Variants in SDC2 observed in about 807,000 individuals in gnomAD.
The protein encoded by SDC2 is syndecan-2.
Under a neutral mutation model 22.2 loss-of-function variants are expected in SDC2, and 13 were observed. That is an observed-to-expected ratio of 0.59 (90% CI 0.38 to 0.93). SDC2 has a LOEUF of 0.93. Ranked by LOEUF, SDC2 falls within the 40% of genes least tolerant of loss-of-function variation. The pLI, the probability that SDC2 is intolerant of heterozygous loss-of-function variation, is 0.00. For missense variants in SDC2, 235 were observed against 246.8 expected, an observed-to-expected ratio of 0.95 and a Z score of 0.32; for synonymous variants, 94 against 92.8, an observed-to-expected ratio of 1.01 and a Z score of -0.07.
At chr8:96,583,752 A>C (rs1814635770) in intron 1 of SDC2, among the ~76,000 whole-genome samples, 1 of 151,198 alleles carries the variant, frequency 6.6e-6, no homozygotes, top group Admixed American at 6.6e-5. Flanking sequence ...ATATAGTTGT[A>C]ATATTAGAAA....
At chr8:96,553,493 C>CT (rs1461213369) in intron 1 of SDC2, among the ~76,000 whole-genome samples, 9 of 149,478 alleles carry the variant, frequency 6.0e-5, no homozygotes, top group African/African-American at 2.2e-4. Flanking sequence ...AGTTTGATTG[C>CT]TTTAATATCT....
chr8:96,573,879 C>A (rs181538164), intron 1 of SDC2, among the ~76,000 whole-genome samples: 3 of 152,120 alleles, frequency 2.0e-5, no homozygotes, highest in Non-Finnish European at 4.4e-5. Context: ...ATCTGACCCT[C>A]TTCTTAGTCT....
chr8:96,521,032 G>A (rs936282084), intron 1 of SDC2, among the ~76,000 whole-genome samples: 2 of 152,168 alleles, frequency 1.3e-5, no homozygotes, highest in African/African-American at 4.8e-5. Context: ...TGATCAAGAA[G>A]CAGAGGCTCA....
At chr8:96,599,223 G>A (rs560047859) in intron 2 of SDC2, among the ~76,000 whole-genome samples, 103 of 152,174 alleles carry the variant, frequency 6.8e-4, no homozygotes, top group African/African-American at 2.4e-3. Flanking sequence ...TTGCAGGCGC[G>A]AGCTACTGTG....
At position 96,608,434 on chromosome 8, in the gene SDC2, TCAGA is replaced by T. The variant is rs780644401; in HGVS notation, c.410_413del (p.Asp137ValfsTer9). 3.1e-6 allele frequency: 5 copies of T among 1,613,470 alleles called. No individual in the cohort carries two copies. Among genetic ancestry groups the T allele is most frequent in the Non-Finnish European group, 4.2e-6 (5 of 1,179,704 alleles). Reference sequence around the variant, plus strand: ...TACAAATGTGTATACTGAGAAACACTCAGACAGTCTGTTTAAACGGACAGAAGTC... The same window carrying T: ...TACAAATGTGTATACTGAGAAACACTCAGTCTGTTTAAACGGACAGAAGTC... On this transcript the variant is annotated frameshift_variant, in exon 4 of 5. Coordinates refer to ENST00000302190, the MANE Select transcript of SDC2 (RefSeq NM_002998.4). LOFTEE classifies it high-confidence loss of function.
chr8:96,592,081 G>A (rs1376115908), intron 1 of SDC2, among the ~76,000 whole-genome samples: 2 of 152,166 alleles, frequency 1.3e-5, no homozygotes, highest in Non-Finnish European at 2.9e-5. Context: ...CTTGGCTCAG[G>A]GTGGTCCAGG....
chr8:96,574,251 C>A (rs981509396), intron 1 of SDC2, among the ~76,000 whole-genome samples: 10 of 152,142 alleles, frequency 6.6e-5, no homozygotes, highest in African/African-American at 2.4e-4. Context: ...ACTAGATCTT[C>A]ATGGGGAAAC....
chr8:96,539,511 C>T (rs1327840204), intron 1 of SDC2, among the ~76,000 whole-genome samples: 1 of 152,178 alleles, frequency 6.6e-6, no homozygotes. Context: ...AATCATCTTG[C>T]ATTATTGCTA....
At chr8:96,528,564 A>G (rs923547208) in intron 1 of SDC2, among the ~76,000 whole-genome samples, 4 of 152,346 alleles carry the variant, frequency 2.6e-5, no homozygotes, top group Non-Finnish European at 5.9e-5. Context: ...TTTTACATAT[A>G]CTGGGGAAAC....
intron 1 of SDC2, among the ~76,000 whole-genome samples, chr8:96,500,749 C>T (rs2437772): frequency 0.71 from 107,321 of 151,438 alleles, 38,249 homozygotes; most frequent in East Asian, 0.81. Flanking sequence ...AAAATCTCAA[C>T]TGCATTTTGA....
intron 1 of SDC2, among the ~76,000 whole-genome samples, chr8:96,506,695 T>C (rs1813244084): frequency 6.6e-6 from 1 of 152,050 alleles, no homozygotes; most frequent in Admixed American, 6.6e-5. Context: ...GTGGACCTTA[T>C]AGTAGGTGTT....
chr8:96,610,462 G>A lies in SDC2; in HGVS notation c.*914G>A, dbSNP rs1815157482. The A allele has an allele frequency of 6.6e-6, 1 of 152,550 alleles. No homozygotes were observed. Among genetic ancestry groups the A allele is most frequent in the African/African-American group, 2.4e-5 (1 of 41,428 alleles). 9.4% of individuals were successfully genotyped at this position (152,550 alleles called of 1,614,324 possible). A position where few individuals can be genotyped will look rare whatever the true frequency, so the allele number is the denominator to read the frequency against. Reference sequence around the variant, plus strand: ...CTTTTTAAGCCTTTGAAGTGCCTCTGATTCTATGTAACTTGTTGCAGACTG... The same window carrying A: ...CTTTTTAAGCCTTTGAAGTGCCTCTAATTCTATGTAACTTGTTGCAGACTG... On this transcript the variant is annotated 3_prime_UTR_variant, in exon 5 of 5. Transcript: ENST00000302190.
chr8:96,563,250 A>C (rs150331267), intron 1 of SDC2, among the ~76,000 whole-genome samples: 2 of 152,252 alleles, frequency 1.3e-5, no homozygotes, highest in East Asian at 3.9e-4. Flanking sequence ...TTCCTAGCCC[A>C]CCATTCTAAC....
intron 1 of SDC2, among the ~76,000 whole-genome samples, chr8:96,572,150 G>C (rs1026946679): frequency 6.6e-6 from 1 of 152,196 alleles, no homozygotes; most frequent in Non-Finnish European, 1.5e-5. Flanking sequence ...TTTTCCTGGA[G>C]CAGGGGGTCT....
At chr8:96,516,574 C>T (rs1178208748) in intron 1 of SDC2, among the ~76,000 whole-genome samples, 1 of 151,844 alleles carries the variant, frequency 6.6e-6, no homozygotes, top group African/African-American at 2.4e-5. Flanking sequence ...TACCCATTTG[C>T]AGTCACTTTT....
chr8:96,530,362 G>A (rs1461983868), intron 1 of SDC2, among the ~76,000 whole-genome samples: 1 of 152,294 alleles, frequency 6.6e-6, no homozygotes, highest in Admixed American at 6.5e-5. Context: ...GGCTGGGCGC[G>A]GTGGCTCACG....
intron 1 of SDC2, among the ~76,000 whole-genome samples, chr8:96,581,775 A>T (rs1014551303): frequency 3.9e-5 from 6 of 152,204 alleles, no homozygotes; most frequent in Non-Finnish European, 7.3e-5. Flanking sequence ...TGGATTTTTG[A>T]GGGCTTTGGC....
intron 1 of SDC2, among the ~76,000 whole-genome samples, chr8:96,579,936 C>T (rs1347214346): frequency 6.6e-6 from 1 of 152,096 alleles, no homozygotes; most frequent in Non-Finnish European, 1.5e-5. Context: ...TTCTTAAAAG[C>T]CGTGAAAGGG....
At chr8:96,558,434 T>C (rs942553011) in intron 1 of SDC2, among the ~76,000 whole-genome samples, 1 of 152,184 alleles carries the variant, frequency 6.6e-6, no homozygotes, top group Non-Finnish European at 1.5e-5. Flanking sequence ...AGGAAATCTT[T>C]TTAAGGTAAA....
Sources: gnomAD v4.1 joint callset for allele counts (sites outside exome capture counted in the v4.1 genomes callset) on GRCh38, gnomAD v4.1.1 for gene constraint, MANE v1.5 for transcripts, NCBI Gene and HGNC (gene_info 2026-07-23, HGNC 2026-07-21) for gene names.